UTP20: variants seen among roughly 807,000 people sequenced by gnomAD.
UTP20 encodes UTP20 small subunit processome component, also known as small subunit processome component 20 homolog.
UTP20 carries 164 observed loss-of-function variants against 329.5 expected under a neutral mutation model. That is an observed-to-expected ratio of 0.50 (90% CI 0.44 to 0.57). The LOEUF is 0.57. UTP20 is among the 20% of genes least tolerant of loss of function. The probability of loss-of-function intolerance (pLI) is 0.00; values close to 1 mark genes in which losing one functional copy is unlikely to be tolerated. For missense variants in UTP20, 3,055 were observed against 3,284.2 expected (o/e 0.93, Z 1.71); for synonymous variants, 1,151 against 1,159.3 (o/e 0.99, Z 0.14).
chr12:101,318,106 G>A (rs1873036126), intron 22 of UTP20, among the ~76,000 whole-genome samples: 1 of 151,992 alleles, frequency 6.6e-6, no homozygotes, highest in African/African-American at 2.4e-5. Context: ...CATCCTGTTA[G>A]CACTTTTCTC....
At chr12:101,383,462 T>G in intron 59 of UTP20, 81 bp from the exon 60 acceptor site, 2 of 1,545,664 alleles carry the variant, frequency 1.3e-6, no homozygotes, top group Non-Finnish European at 1.7e-6. Flanking sequence ...GACTGAGCCC[T>G]GTTTTCTCAA....
At position 101,344,733 on chromosome 12, in the gene UTP20, C is replaced by G; in HGVS notation, c.4588C>G (p.Leu1530Val). The G allele has an allele frequency of 6.2e-7, 1 of 1,613,830 alleles. No homozygotes were observed. The highest frequency in any genetic ancestry group is 1.3e-5 in the African/African-American group (1 of 74,990). Residue 1530 changes from leucine (L) to valine (V), a missense_variant, in exon 36 of 62, where the codon CTG becomes GTG. Transcript: ENST00000261637. ...ACTCCTGGAGAAATTGAGAAAAGGTCTGAAGAGCCAGACAGAGGTATATAA... is the reference window on the plus strand; with the variant it reads ...ACTCCTGGAGAAATTGAGAAAAGGTGTGAAGAGCCAGACAGAGGTATATAA... ...RSLLEKLRKG[L>V]KSQTESIQQD... is the part of the protein sequence containing the mutation.
intron 56 of UTP20, among the ~76,000 whole-genome samples, chr12:101,378,172 A>G (rs1870536580): frequency 2.0e-5 from 3 of 152,232 alleles, no homozygotes; most frequent in African/African-American, 7.2e-5. Flanking sequence ...TCTGCCTGTT[A>G]TAGCTTAGCA....
intron 43 of UTP20, among the ~76,000 whole-genome samples, chr12:101,360,030 C>G (rs1032391601): frequency 1.3e-5 from 2 of 152,228 alleles, no homozygotes; most frequent in Admixed American, 1.3e-4. Flanking sequence ...TTCATGCACA[C>G]ATTTTTAAGG....
In UTP20 at chr12:101,329,308, T is replaced by A. The variant is rs371238474; in HGVS notation, c.3276T>A (p.Gly1092=). ...DLDLSKVLPL[G]RQHGILNSLE... ...ATTTGTCTAAAGTTCTTCCTTTAGGTCGTCAGCACGGTATCTTAAACAGCC... is the reference window on the plus strand; with the variant it reads ...ATTTGTCTAAAGTTCTTCCTTTAGGACGTCAGCACGGTATCTTAAACAGCC... The change falls in exon 27 of 62, where the codon GGT becomes GGA. Residue 1092 remains glycine (G), a synonymous_variant. Coordinates refer to ENST00000261637, the MANE Select transcript of UTP20 (RefSeq NM_014503.3). 6 of 1,614,030 alleles carry A rather than the reference T, an allele frequency of 3.7e-6. No individual in the cohort carries two copies. Among genetic ancestry groups the A allele is most frequent in the African/African-American group, 1.3e-5 (1 of 74,916 alleles).
chr12:101,348,958 C>G (rs2120957671), intron 38 of UTP20, among the ~76,000 whole-genome samples: 1 of 151,892 alleles, frequency 6.6e-6, no homozygotes, highest in East Asian at 1.9e-4. Context: ...TTTTGTTTGT[C>G]TTTTCTTGTC....
At chr12:101,341,006 A>T (rs1869111873) in intron 32 of UTP20, among the ~76,000 whole-genome samples, 1 of 95,210 alleles carries the variant, frequency 1.1e-5, no homozygotes, top group Admixed American at 1.5e-4. Context: ...ATGGAGTTTC[A>T]CTCTTGTCCT....
intron 11 of UTP20, among the ~76,000 whole-genome samples, chr12:101,294,534 C>A (rs577838912): frequency 5.2e-4 from 75 of 144,242 alleles, no homozygotes; most frequent in African/African-American, 2.0e-3. Context: ...TATACATTCT[C>A]GTTTTTCTTT....
chr12:101,373,848 A>G (rs1451044347), intron 54 of UTP20, 81 bp downstream of exon 54: 4 of 1,445,846 alleles, frequency 2.8e-6, no homozygotes, highest in African/African-American at 1.4e-5. Flanking sequence ...TATGTCATAC[A>G]CTGTTGAATT....
At chr12:101,325,004 T>G (rs1868507104) in intron 25 of UTP20, among the ~76,000 whole-genome samples, 1 of 152,336 alleles carries the variant, frequency 6.6e-6, no homozygotes, top group African/African-American at 2.4e-5. Context: ...TGACAAAACT[T>G]TTATTAGCGT....
At chr12:101,367,581 T>C (rs1357586191) in intron 47 of UTP20, among the ~76,000 whole-genome samples, 2 of 152,124 alleles carry the variant, frequency 1.3e-5, no homozygotes, top group Non-Finnish European at 2.9e-5. Context: ...TCCATCCTGG[T>C]TATTGCCATA....
intron 60 of UTP20, 90 bp downstream of exon 60, chr12:101,383,759 C>G (rs183831444): frequency 1.9e-6 from 2 of 1,077,840 alleles, no homozygotes; most frequent in East Asian, 6.3e-5. Context: ...TCTGTCCTCC[C>G]TCCCTGCCTG....
intron 11 of UTP20, among the ~76,000 whole-genome samples, chr12:101,294,109 C>T (rs922916586): frequency 1.3e-5 from 2 of 150,988 alleles, no homozygotes; most frequent in African/African-American, 4.9e-5. Context: ...GATCTCGGCT[C>T]ACTGCAACCT....
Position 101,386,268 on chromosome 12 carries a change from G to GGTGC in UTP20, c.*145_*146insGTGC. On this transcript the variant is annotated 3_prime_UTR_variant, in exon 62 of 62. Coordinates refer to ENST00000261637, the MANE Select transcript of UTP20 (RefSeq NM_014503.3). The stretch of plus-strand genomic sequence containing the variant: ...TCTGTCACCCAAGGTGGAGTGCAGT[G>GGTGC]ACGACATCACAGCTCACTGCAGCCT... The GGTGC allele has an allele frequency of 2.8e-6, 2 of 713,224 alleles. No individual in the cohort carries two copies. The highest frequency in any genetic ancestry group is 4.5e-6 in the Non-Finnish European group (2 of 445,628). The allele number at this position is 713,224 out of a possible 1,614,324, so 44.2% of individuals were successfully genotyped here. A position where few individuals can be genotyped will look rare whatever the true frequency, so the allele number is the denominator to read the frequency against.
chr12:101,311,779 A>G lies in UTP20; in HGVS notation c.2292A>G (p.Glu764=). ...QFWKVYYEHL[E]KAATHAEKEL... ...GGAAAGTCTACTATGAGCATCTAGA[A>G]AAAGCAGCTACGCATGCTGGTATGT... The change falls in exon 20 of 62, where the codon GAA becomes GAG. Residue 764 remains glutamate, a synonymous_variant. Transcript: ENST00000261637. 1 of 1,613,518 alleles carries G rather than the reference A, an allele frequency of 6.2e-7. No individual in the cohort carries two copies. The highest frequency in any genetic ancestry group is 8.5e-7 in the Non-Finnish European group (1 of 1,179,914).
intron 21 of UTP20, among the ~76,000 whole-genome samples, chr12:101,315,496 G>A (rs1013550590): frequency 6.6e-6 from 1 of 151,748 alleles, no homozygotes; most frequent in Non-Finnish European, 1.5e-5. Flanking sequence ...AAAAAAAAAG[G>A]CTAGAACCAT....
At chr12:101,320,703 A>G in intron 23 of UTP20, 149 bp from the exon 24 acceptor site, 1 of 523,570 alleles carries the variant, frequency 1.9e-6, no homozygotes, top group Non-Finnish European at 3.2e-6. Flanking sequence ...TTCCAGGAAA[A>G]TGTGAAGCTG....
chr12:101,369,843 C>T lies in UTP20; in HGVS notation c.6507C>T (p.Leu2169=), dbSNP rs563073918. The T allele has an allele frequency of 6.8e-6, 11 of 1,613,836 alleles. No homozygotes were observed. Among genetic ancestry groups the T allele is most frequent in the South Asian group, 2.2e-5 (2 of 91,074 alleles). The change falls in exon 49 of 62, where the codon CTC becomes CTT. Residue 2169 remains leucine (L), a synonymous_variant. Coordinates refer to ENST00000261637, the MANE Select transcript of UTP20 (RefSeq NM_014503.3). ...TTCTGCTGAAGGACTATGCAAAGCT[C>T]GGGGCCGCCAGGGGCCAGAACTTCC... ...LFLLLKDYAK[L]GAARGQNFHL...
chr12:101,378,655 G>A (rs1870550084), intron 56 of UTP20, among the ~76,000 whole-genome samples: 1 of 151,792 alleles, frequency 6.6e-6, no homozygotes, highest in East Asian at 1.9e-4. Context: ...GGAGGCAGAG[G>A]TTGTAGTGAG....
Sources: gnomAD v4.1 joint callset for allele counts (sites outside exome capture counted in the v4.1 genomes callset) on GRCh38, gnomAD v4.1.1 for gene constraint, MANE v1.5 for transcripts, NCBI Gene and HGNC (gene_info 2026-07-23, HGNC 2026-07-21) for gene names.